The following PDE2A variants were observed in gnomAD, a reference collection of about 807,000 sequenced individuals.
PDE2A encodes cGMP-dependent 3',5'-cyclic phosphodiesterase.
A neutral mutation model predicts 133.6 loss-of-function variants in PDE2A; 53 were observed. The observed-to-expected ratio is 0.40, with a 90% CI of 0.32 to 0.50. PDE2A has a LOEUF of 0.50. Among genes scored for constraint, PDE2A ranks in the 20% least tolerant of loss-of-function variants. The pLI is 0.73. For synonymous variants in PDE2A, 491 were observed against 490.2 expected, an observed-to-expected ratio of 1.00 and a Z score of -0.02; for missense variants, 796 against 1,232.4, an observed-to-expected ratio of 0.65 and a Z score of 5.30.
In PDE2A at chr11:72,616,129, G is replaced by A. The variant is rs534297858; in HGVS notation, c.145-7378C>T. 5.9e-4 allele frequency among the ~76,000 whole-genome samples: 90 copies of A among 152,308 alleles called. 1 individual carries two copies. The highest frequency in any genetic ancestry group is 1.8e-3 in the African/African-American group (73 of 41,576). ...AGAGGAGGAGGACGCTGAGTGTCCCGCTGGGTCAGTGTCAGAAGAGAGTTT... is the reference window on the plus strand; with the variant it reads ...AGAGGAGGAGGACGCTGAGTGTCCCACTGGGTCAGTGTCAGAAGAGAGTTT... On this transcript the variant is annotated intron_variant, in intron 2 of 30. Transcript: ENST00000334456.
In PDE2A at chr11:72,597,498, C is replaced by G; in HGVS notation, c.433+12G>C. 6.4e-7 allele frequency: 1 copy of G among 1,561,846 alleles called. No individual in the cohort carries two copies. Among genetic ancestry groups the G allele is most frequent in the Non-Finnish European group, 8.8e-7 (1 of 1,142,304 alleles). ...CCCCTGCCCCTGCCCCTGCCCAGCC[C>G]CTAGCCCTTACCTTGGGTATCAGGA... On this transcript the variant is annotated intron_variant, in intron 5 of 30. Coordinates refer to ENST00000334456, the MANE Select transcript of PDE2A (RefSeq NM_002599.5). This position sits in a 1 kb window ranked among gnomAD's most constrained non-coding sequence, Gnocchi z 4.6.
At chr11:72,669,294 C>T (rs2135466831) in intron 1 of PDE2A, among the ~76,000 whole-genome samples, 1 of 152,238 alleles carries the variant, frequency 6.6e-6, no homozygotes. Context: ...ATCCAGGGTC[C>T]ACACATCTCA....
At chr11:72,653,486 G>A (rs1854803987) in intron 1 of PDE2A, among the ~76,000 whole-genome samples, 1 of 152,180 alleles carries the variant, frequency 6.6e-6, no homozygotes, top group African/African-American at 2.4e-5. Context: ...GACTCCCAGG[G>A]AGGGAGAGGG....
chr11:72,629,829 A>C (rs1858281046), intron 2 of PDE2A, among the ~76,000 whole-genome samples: 1 of 152,170 alleles, frequency 6.6e-6, no homozygotes, highest in Non-Finnish European at 1.5e-5. Context: ...CCAAATGTGA[A>C]ATAGGAATAA....
At chr11:72,602,762 C>T (rs1369350030) in intron 4 of PDE2A, among the ~76,000 whole-genome samples, 6 of 152,190 alleles carry the variant, frequency 3.9e-5, no homozygotes, top group African/African-American at 1.4e-4. Context: ...TAGACCGGGC[C>T]TCAGGTAGGA....
Position 72,589,049 on chromosome 11 carries a change from G to A in PDE2A, c.939+126C>T. The A allele has an allele frequency of 3.2e-6, 4 of 1,232,266 alleles. No individual in the cohort carries two copies. The South Asian group carries it at 5.3e-5, about 16-fold the overall frequency. 76.3% of individuals were successfully genotyped at this position (1,232,266 alleles called of 1,614,324 possible). ...TGGAAGCTCTGTGTCATGGAGATGG[G>A]ACAGTAGAAAGTCCCCAGGTCTTAT... On this transcript the variant is annotated intron_variant, in intron 12 of 30. Transcript: ENST00000334456.
intron 27 of PDE2A, 137 bp from the exon 28 acceptor site, chr11:72,579,146 C>A: frequency 1.1e-6 from 1 of 946,214 alleles, no homozygotes; most frequent in East Asian, 2.4e-5. Context: ...AGTGCTGGGT[C>A]TGCCTGGGGG....
In PDE2A at chr11:72,577,591, C is replaced by T. The variant is rs1197948285; in HGVS notation, c.2619G>A (p.Leu873=). ...CCGCTTTGGGGAACAGGTCCTGCAA[C>T]AGCCTGCGGGTGCATGGGGGGCAGA... ...MEHIAMPIYK[L]LQDLFPKAAE... is the part of the protein sequence containing the mutation. The change falls in exon 31 of 31, where the codon CTG becomes CTA. Residue 873 remains leucine (L), a synonymous_variant. Transcript: ENST00000334456. 7.6e-6 allele frequency: 12 copies of T among 1,570,260 alleles called. No individual in the cohort carries two copies. Among genetic ancestry groups the T allele is most frequent in the East Asian group, 4.6e-5 (2 of 43,344 alleles).
intron 1 of PDE2A, among the ~76,000 whole-genome samples, chr11:72,643,922 GC>G (rs1453230187): frequency 5.9e-5 from 9 of 152,164 alleles, no homozygotes; most frequent in Non-Finnish European, 1.0e-4. Flanking sequence ...GCACAATAAA[GC>G]CCGAGCCCTG....
chr11:72,585,531 G>C, intron 15 of PDE2A, 23 bp downstream of exon 15: 1 of 1,613,894 alleles, frequency 6.2e-7, no homozygotes, highest in African/African-American at 1.3e-5. Flanking sequence ...CACACAGCCA[G>C]GCAGAGAGAA....
At chr11:72,588,964 C>T (rs1214486587) in intron 12 of PDE2A, 50 bp from the exon 13 acceptor site, 1 of 1,564,782 alleles carries the variant, frequency 6.4e-7, no homozygotes, top group Non-Finnish European at 8.7e-7. Context: ...CAGTATGCTT[C>T]CCTCCTCCAG....
intron 2 of PDE2A, among the ~76,000 whole-genome samples, chr11:72,630,298 G>A (rs12797628): frequency 0.2 from 30,016 of 152,146 alleles, 3,907 homozygotes; most frequent in Middle Eastern, 0.31. Context: ...ACAGAGTCAC[G>A]TGATGGAGAA....
intron 19 of PDE2A, 32 bp downstream of exon 19, chr11:72,584,169 A>ACC: frequency 1.6e-5 from 14 of 877,920 alleles, no homozygotes; most frequent in Admixed American, 4.8e-5. Flanking sequence ...GCCCCCTATC[A>ACC]CCCCACACCC....
chr11:72,579,014 T>C lies in PDE2A; in HGVS notation c.2357-5A>G. Reference sequence around the variant, plus strand: ...TGTTGTTTCGGTCGTAGCCCACTGTTGAGGGGAGGATGGGGTCAAGGAGCG... The same window carrying C: ...TGTTGTTTCGGTCGTAGCCCACTGTCGAGGGGAGGATGGGGTCAAGGAGCG... On this transcript the variant is annotated splice_polypyrimidine_tract_variant and splice_region_variant and intron_variant, in intron 27 of 30. Transcript: ENST00000334456. 2 of 1,599,400 alleles carry C rather than the reference T, an allele frequency of 1.3e-6. No individual in the cohort carries two copies. Among genetic ancestry groups the C allele is most frequent in the Non-Finnish European group, 1.7e-6 (2 of 1,166,758 alleles).
chr11:72,596,637 G>A lies in PDE2A; in HGVS notation c.445C>T (p.Pro149Ser), dbSNP rs1486142592. 1 of 1,510,214 alleles carries A rather than the reference G, an allele frequency of 6.6e-7. No individual in the cohort carries two copies. The highest frequency in any genetic ancestry group is 8.9e-7 in the Non-Finnish European group (1 of 1,121,506). The allele number at this position is 1,510,214 out of a possible 1,614,324, so 93.6% of individuals were successfully genotyped here. A position where few individuals can be genotyped will look rare whatever the true frequency, so the allele number is the denominator to read the frequency against. The change falls in exon 6 of 31, where the codon CCG becomes TCG. Residue 149 changes from proline to serine, a missense_variant. Pro to Ser is a moderately conservative substitution (Grantham distance 74, BLOSUM62 -1). Transcript: ENST00000334456. ...LAPDTQVLVMPLADKEAGAVA... is the reference protein window; with the variant it reads ...LAPDTQVLVMSLADKEAGAVA... The stretch of plus-strand genomic sequence containing the variant: ...GCCCCAGCCTCCTTGTCCGCTAGCG[G>A]CATGACCAGCACTGAGGGGGAGAGG...
At chr11:72,585,228 C>G in intron 16 of PDE2A, 143 bp downstream of exon 16, 2 of 745,402 alleles carry the variant, frequency 2.7e-6, no homozygotes, top group Non-Finnish European at 4.6e-6. Context: ...GCGAGGGAGA[C>G]AGGCATGAAA....
At chr11:72,585,219 C>T (rs1173575705) in intron 16 of PDE2A, 152 bp downstream of exon 16, 5 of 725,130 alleles carry the variant, frequency 6.9e-6, no homozygotes, top group Admixed American at 4.2e-5. Context: ...TACAGTCTAG[C>T]GAGGGAGACA....
chr11:72,656,022 C>A (rs1854889459), intron 1 of PDE2A, among the ~76,000 whole-genome samples: 1 of 152,150 alleles, frequency 6.6e-6, no homozygotes, highest in Admixed American at 6.5e-5. Flanking sequence ...GGCCACCAGG[C>A]AGGACTGGTG....
At chr11:72,644,607 G>A (rs1023031835) in intron 1 of PDE2A, among the ~76,000 whole-genome samples, 6 of 152,174 alleles carry the variant, frequency 3.9e-5, no homozygotes, top group African/African-American at 1.4e-4. Context: ...TGTTCTTCAG[G>A]GGAGGCCACC....
Sources: gnomAD v4.1 joint callset for allele counts (sites outside exome capture counted in the v4.1 genomes callset) on GRCh38, gnomAD v4.1.1 for gene constraint, Gnocchi (gnomAD v3.1) non-coding constraint, MANE v1.5 for transcripts, NCBI Gene and HGNC (gene_info 2026-07-23, HGNC 2026-07-21) for gene names.